The following SLC35F2 variants were observed in gnomAD, a reference collection of about 807,000 sequenced individuals.
The protein encoded by SLC35F2 is solute carrier family 35 member F2.
In SLC35F2, 25 loss-of-function variants were observed where a neutral mutation model predicts 38.1. The observed-to-expected ratio is 0.66, with a 90% CI of 0.48 to 0.92. SLC35F2 has a LOEUF of 0.92. Ranked by LOEUF, SLC35F2 falls within the 40% of genes least tolerant of loss-of-function variation. The pLI is 0.00. For missense variants in SLC35F2, 409 were observed against 452.9 expected (o/e 0.90, Z 0.88); for synonymous variants, 173 against 181.7 (o/e 0.95, Z 0.38).
At chr11:107,806,198 T>C (rs1049574167) in intron 4 of SLC35F2, among the ~76,000 whole-genome samples, 4 of 152,180 alleles carry the variant, frequency 2.6e-5, no homozygotes, top group Non-Finnish European at 4.4e-5. Flanking sequence ...ATGATATATA[T>C]CATAATGTAA....
intron 4 of SLC35F2, 93 bp downstream of exon 4, chr11:107,806,624 A>G: frequency 8.5e-7 from 1 of 1,177,548 alleles, no homozygotes; most frequent in Non-Finnish European, 1.3e-6. Context: ...TTAAAAAGAA[A>G]TACTCCAGTA....
In SLC35F2 at chr11:107,815,939, C is replaced by T. The variant is rs1331226415; in HGVS notation, c.137G>A (p.Gly46Asp). 1.1e-5 allele frequency: 17 copies of T among 1,610,392 alleles called. No homozygotes were observed. Among genetic ancestry groups the T allele is most frequent in the Non-Finnish European group, 1.3e-5 (15 of 1,179,224 alleles). Residue 46 changes from glycine (G) to aspartate (D), a missense_variant, in exon 2 of 8, where the codon GGT becomes GAT. Physicochemically the swap from Gly to Asp is moderately conservative, Grantham distance 94 (BLOSUM62 -1). Coordinates refer to ENST00000525815, the MANE Select transcript of SLC35F2 (RefSeq NM_017515.5). The stretch of plus-strand genomic sequence containing the variant: ...ACATATACACAAGGACAACATCTGA[C>T]CCAGGGCAATTGTTTTCAAAATATT... Reference protein sequence around the residue: ...TWNILKTIALGQMLSLCICGT... With the variant: ...TWNILKTIALDQMLSLCICGT...
At chr11:107,816,661 G>A (rs1035299118) in intron 1 of SLC35F2, among the ~76,000 whole-genome samples, 6 of 151,942 alleles carry the variant, frequency 3.9e-5, no homozygotes, top group African/African-American at 7.3e-5. Context: ...AAAATAATAC[G>A]TATTTTCTGG....
At chr11:107,850,375 C>A (rs1860159789) in intron 1 of SLC35F2, among the ~76,000 whole-genome samples, 1 of 152,088 alleles carries the variant, frequency 6.6e-6, no homozygotes, top group African/African-American at 2.4e-5. Flanking sequence ...ATCAGTGGTT[C>A]TCAATTAGGG....
intron 1 of SLC35F2, among the ~76,000 whole-genome samples, chr11:107,838,773 C>T (rs927629095): frequency 1.3e-5 from 2 of 151,754 alleles, no homozygotes; most frequent in South Asian, 2.1e-4. Context: ...GGACTACAGG[C>T]GTGCACCTCC....
At chr11:107,793,065 C>G (rs1166599398) in intron 7 of SLC35F2, 1 of 282,198 alleles carries the variant, frequency 3.5e-6, no homozygotes, top group East Asian at 1.8e-4. Context: ...CACAGGCACT[C>G]ACCACCACAC....
intron 7 of SLC35F2, among the ~76,000 whole-genome samples, chr11:107,793,441 G>C (rs1327165443): frequency 6.6e-6 from 1 of 152,088 alleles, no homozygotes; most frequent in African/African-American, 2.4e-5. Context: ...GGTCATCATG[G>C]ATACCACAGA....
At chr11:107,826,326 G>A (rs1859755035) in intron 1 of SLC35F2, among the ~76,000 whole-genome samples, 1 of 151,304 alleles carries the variant, frequency 6.6e-6, no homozygotes, top group African/African-American at 2.4e-5. Flanking sequence ...GTCCATGCTG[G>A]AGTGCAATAG....
intron 1 of SLC35F2, among the ~76,000 whole-genome samples, chr11:107,831,311 C>A (rs890394189): frequency 6.6e-6 from 1 of 152,208 alleles, no homozygotes; most frequent in Non-Finnish European, 1.5e-5. Context: ...TGGAATGGGA[C>A]AGGGTGATAG....
At chr11:107,805,752 A>C in intron 4 of SLC35F2, 3 of 699,974 alleles carry the variant, frequency 4.3e-6, no homozygotes, top group Non-Finnish European at 5.3e-6. Context: ...ATCTCAGCTC[A>C]CTGCAACCTA....
chr11:107,838,870 C>A (rs1018641093), intron 1 of SLC35F2, among the ~76,000 whole-genome samples: 3 of 151,966 alleles, frequency 2.0e-5, no homozygotes, highest in African/African-American at 7.3e-5. Flanking sequence ...CTCAGGTGAT[C>A]TGCCCATCTC....
chr11:107,795,738 G>A (rs1186054716), intron 7 of SLC35F2, among the ~76,000 whole-genome samples: 1 of 152,144 alleles, frequency 6.6e-6, no homozygotes, highest in Admixed American at 6.5e-5. Context: ...CTAATCATCA[G>A]GAAAGTGCAA....
intron 2 of SLC35F2, 35 bp from the exon 3 acceptor site, chr11:107,811,829 T>C: frequency 3.8e-6 from 6 of 1,583,196 alleles, no homozygotes; most frequent in East Asian, 2.2e-5. Context: ...TACATGTTAC[T>C]TGCAAATGAT....
intron 5 of SLC35F2, 149 bp downstream of exon 5, chr11:107,805,210 T>A (rs1003495267): frequency 7.2e-7 from 1 of 1,394,890 alleles, no homozygotes; most frequent in Non-Finnish European, 9.3e-7. Context: ...AGCAAGTTAT[T>A]AGGTAATGGC....
chr11:107,843,582 A>G (rs1461125568), intron 1 of SLC35F2, among the ~76,000 whole-genome samples: 1 of 151,726 alleles, frequency 6.6e-6, no homozygotes, highest in Non-Finnish European at 1.5e-5. Flanking sequence ...GAGGCTGAGC[A>G]GAGTGGCTCA....
chr11:107,798,214 G>A (rs1312050410), intron 7 of SLC35F2, among the ~76,000 whole-genome samples: 1 of 151,976 alleles, frequency 6.6e-6, no homozygotes, highest in African/African-American at 2.4e-5. Flanking sequence ...ATGTTGGCCG[G>A]GCTCGTCTCA....
At chr11:107,858,227 G>A (rs1248341202) in intron 1 of SLC35F2, among the ~76,000 whole-genome samples, 7 of 152,150 alleles carry the variant, frequency 4.6e-5, no homozygotes, top group Non-Finnish European at 4.4e-5. Context: ...GAATCACCGC[G>A]CCCAGTCTGG....
intron 1 of SLC35F2, among the ~76,000 whole-genome samples, chr11:107,850,006 C>A (rs1286002337): frequency 2.0e-5 from 3 of 149,238 alleles, no homozygotes; most frequent in Non-Finnish European, 2.9e-5. Flanking sequence ...TCCTCACCTA[C>A]CCTCTCCAAG....
chr11:107,800,456 C>T (rs377060386), intron 7 of SLC35F2, among the ~76,000 whole-genome samples: 1 of 152,020 alleles, frequency 6.6e-6, no homozygotes, highest in Non-Finnish European at 1.5e-5. Context: ...TCTACAAGGA[C>T]GAAGAAAGAT....
Sources: gnomAD v4.1 joint callset for allele counts (sites outside exome capture counted in the v4.1 genomes callset) on GRCh38, gnomAD v4.1.1 for gene constraint, MANE v1.5 for transcripts, NCBI Gene and HGNC (gene_info 2026-07-23, HGNC 2026-07-21) for gene names.